The following BCKDHB variants were observed in gnomAD, a reference collection of about 807,000 sequenced individuals.
BCKDHB encodes the protein branched chain keto acid dehydrogenase E1 subunit beta, also known as 2-oxoisovalerate dehydrogenase subunit beta, mitochondrial.
A neutral mutation model predicts 48.5 loss-of-function variants in BCKDHB; 41 were observed. That is an observed-to-expected ratio of 0.85 (90% CI 0.66 to 1.10). The LOEUF (loss-of-function observed/expected upper bound fraction) is 1.10, where lower values mean the gene tolerates loss of function less well. Among genes scored for constraint, BCKDHB ranks in the 50% least tolerant of loss-of-function variants. The pLI is 0.00. For synonymous variants in BCKDHB, 201 were observed against 174.8 expected (o/e 1.15, Z -1.18); for missense variants, 496 against 494.2 (o/e 1.00, Z -0.03).
intron 8 of BCKDHB, among the ~76,000 whole-genome samples, chr6:80,210,467 G>A (rs1406524346): frequency 6.6e-6 from 1 of 152,126 alleles, no homozygotes; most frequent in African/African-American, 2.4e-5. Context: ...AGGGCTATGA[G>A]TTGCTGGTAA....
chr6:80,302,761 G>T (rs1337469674), intron 9 of BCKDHB, among the ~76,000 whole-genome samples: 1 of 152,140 alleles, frequency 6.6e-6, no homozygotes, highest in Non-Finnish European at 1.5e-5. Flanking sequence ...TGGATTTGTT[G>T]TTTTGTCCCA....
At chr6:80,367,015 T>C in the BCKDHB span, among the ~76,000 whole-genome samples, 3 of 152,120 alleles carry the variant, frequency 2.0e-5, no homozygotes, top group Non-Finnish European at 4.4e-5. Context: ...CCAAAAATAC[T>C]CTCTCTTAAA....
chr6:80,404,030 G>A, the BCKDHB span, among the ~76,000 whole-genome samples: 128 of 152,004 alleles, frequency 8.4e-4, no homozygotes, highest in South Asian at 0.014. Context: ...GTATTGGCTT[G>A]TAGTTTTCTT....
At chr6:80,290,375 A>G (rs1289339225) in intron 9 of BCKDHB, among the ~76,000 whole-genome samples, 1 of 152,170 alleles carries the variant, frequency 6.6e-6, no homozygotes, top group East Asian at 1.9e-4. Flanking sequence ...AACAAAAGAA[A>G]CATGGGCACA....
chr6:80,371,117 G>A, the BCKDHB span, among the ~76,000 whole-genome samples: 2 of 152,052 alleles, frequency 1.3e-5, no homozygotes, highest in African/African-American at 2.4e-5. Context: ...CAATGTAAAA[G>A]TGTTCCCTTT....
At chr6:80,201,563 C>T (rs189873908) in intron 7 of BCKDHB, among the ~76,000 whole-genome samples, 36 of 152,272 alleles carry the variant, frequency 2.4e-4, no homozygotes, top group African/African-American at 7.5e-4. Context: ...ATGTTACTTT[C>T]GCTGCAAATG....
chr6:80,228,085 T>C (rs1775757840), intron 8 of BCKDHB, among the ~76,000 whole-genome samples: 1 of 152,194 alleles, frequency 6.6e-6, no homozygotes, highest in Non-Finnish European at 1.5e-5. Context: ...CCAGATGTAA[T>C]CTTCAATAGT....
At chr6:80,184,773 C>G (rs1773566183) in intron 6 of BCKDHB, among the ~76,000 whole-genome samples, 1 of 152,118 alleles carries the variant, frequency 6.6e-6, no homozygotes, top group African/African-American at 2.4e-5. Context: ...CCTAATCCCT[C>G]TTGGCTTGTA....
intron 8 of BCKDHB, among the ~76,000 whole-genome samples, chr6:80,259,000 A>G (rs1022635357): frequency 3.3e-5 from 5 of 152,134 alleles, no homozygotes; most frequent in African/African-American, 1.2e-4. Context: ...TTGCTGTAAG[A>G]TGTCCTGGCA....
chr6:80,164,737 G>T (rs1471007249), intron 3 of BCKDHB, among the ~76,000 whole-genome samples: 1 of 152,048 alleles, frequency 6.6e-6, no homozygotes, highest in Non-Finnish European at 1.5e-5. Context: ...TTAGTAATCC[G>T]TGGAGGTAAC....
intron 8 of BCKDHB, among the ~76,000 whole-genome samples, chr6:80,257,369 T>C (rs991127170): frequency 2.7e-5 from 4 of 150,086 alleles, no homozygotes; most frequent in Non-Finnish European, 5.9e-5. Flanking sequence ...TTATATTGTG[T>C]ATGTGTATAT....
At chr6:80,338,831 AAT>A (rs757862490) in intron 9 of BCKDHB, among the ~76,000 whole-genome samples, 9 of 152,204 alleles carry the variant, frequency 5.9e-5, no homozygotes, top group Non-Finnish European at 1.0e-4. Context: ...GCAAGATAAC[AAT>A]AGAGTCATAA....
In BCKDHB at chr6:80,345,549, A is replaced by G. The variant is rs537441194; in HGVS notation, c.*1745A>G. 11 of 152,360 alleles carry G rather than the reference A, an allele frequency of 7.2e-5. 1 individual carries two copies. In the South Asian group the frequency reaches 1.0e-3, roughly 14 times the overall value. The allele number at this position is 152,360 out of a possible 1,614,324, so 9.4% of individuals were successfully genotyped here. On this transcript the variant is annotated 3_prime_UTR_variant, in exon 10 of 10. Coordinates refer to ENST00000320393, the MANE Select transcript of BCKDHB (RefSeq NM_183050.4). ...TGTTCTAGTCTAAGAATATTGTTAT[A>G]GATGGAAGTTAGGACCATTAGCCCA...
the BCKDHB span, among the ~76,000 whole-genome samples, chr6:80,357,676 C>T: frequency 6.6e-6 from 1 of 152,170 alleles, no homozygotes; most frequent in East Asian, 1.9e-4. Context: ...GCTACGTTTT[C>T]CTGGGCAGGC....
the BCKDHB span, among the ~76,000 whole-genome samples, chr6:80,402,021 G>A: frequency 2.0e-5 from 3 of 151,714 alleles, no homozygotes; most frequent in African/African-American, 7.3e-5. Flanking sequence ...TCCACTGATT[G>A]ATATTTAAGC....
chr6:80,288,493 G>A (rs1261454010), intron 9 of BCKDHB, among the ~76,000 whole-genome samples: 1 of 151,934 alleles, frequency 6.6e-6, no homozygotes, highest in Non-Finnish European at 1.5e-5. Context: ...GGCAAGATCA[G>A]GATCTCATAG....
chr6:80,128,936 A>G (rs781751451), intron 2 of BCKDHB, among the ~76,000 whole-genome samples: 1 of 151,662 alleles, frequency 6.6e-6, no homozygotes, highest in Admixed American at 6.6e-5. Context: ...GGTAGAGACC[A>G]GGGTTGCTGC....
At chr6:80,386,299 T>C in the BCKDHB span, among the ~76,000 whole-genome samples, 1,165 of 151,964 alleles carry the variant, frequency 7.7e-3, 11 homozygotes, top group African/African-American at 0.027. Flanking sequence ...AATAGCAAGG[T>C]ATGAAATCAA....
intron 9 of BCKDHB, among the ~76,000 whole-genome samples, chr6:80,308,523 T>C (rs920748056): frequency 1.3e-5 from 2 of 151,920 alleles, no homozygotes; most frequent in South Asian, 2.1e-4. Context: ...TTTGTAGATA[T>C]AATTAAACAG....
Sources: gnomAD v4.1 joint callset for allele counts (sites outside exome capture counted in the v4.1 genomes callset) on GRCh38, gnomAD v4.1.1 for gene constraint, MANE v1.5 for transcripts, NCBI Gene and HGNC (gene_info 2026-07-23, HGNC 2026-07-21) for gene names.